KCNH1: variants seen among roughly 807,000 people sequenced by gnomAD.
The protein encoded by KCNH1 is potassium voltage-gated channel subfamily H member 1, also known as voltage-gated delayed rectifier potassium channel KCNH1.
Under a neutral mutation model 69.2 loss-of-function variants are expected in KCNH1, and 27 were observed. The observed-to-expected ratio is 0.39, with a 90% CI of 0.29 to 0.54. The LOEUF is 0.54. Among genes scored for constraint, KCNH1 ranks in the 20% least tolerant of loss-of-function variants. KCNH1 has a pLI of 0.68. For synonymous variants in KCNH1, 456 were observed against 487.7 expected (o/e 0.93, Z 0.86); for missense variants, 798 against 1,261.6 (o/e 0.63, Z 5.57).
At chr1:210,862,957 T>C (rs531920265) in intron 7 of KCNH1, among the ~76,000 whole-genome samples, 195 of 152,230 alleles carry the variant, frequency 1.3e-3, no homozygotes, top group African/African-American at 4.6e-3. Context: ...GAAAACCAAA[T>C]ACTAACTGTG....
At chr1:210,696,040 G>A (rs1021126259) in intron 10 of KCNH1, among the ~76,000 whole-genome samples, 5 of 152,174 alleles carry the variant, frequency 3.3e-5, no homozygotes, top group African/African-American at 1.2e-4. Context: ...CAGTTTCTCT[G>A]GTCACTCCCT....
chr1:210,727,032 A>C (rs899128711), intron 10 of KCNH1, among the ~76,000 whole-genome samples: 1 of 152,138 alleles, frequency 6.6e-6, no homozygotes, highest in Admixed American at 6.5e-5. Flanking sequence ...ATGGGTTAAA[A>C]AGTCAACAAT....
chr1:210,849,176 T>C (rs1685627134), intron 7 of KCNH1, among the ~76,000 whole-genome samples: 1 of 152,176 alleles, frequency 6.6e-6, no homozygotes. Context: ...TACAGAATCC[T>C]ATAAACATTC....
intron 10 of KCNH1, among the ~76,000 whole-genome samples, chr1:210,739,412 G>C (rs1682963023): frequency 6.6e-6 from 1 of 152,162 alleles, no homozygotes; most frequent in Non-Finnish European, 1.5e-5. Context: ...TCTGGAGTTA[G>C]GGAGCCCCCC....
chr1:211,133,914 A>G lies in KCNH1; in HGVS notation c.32T>C (p.Val11Ala), dbSNP rs1263025448. Residue 11 changes from valine (V) to alanine (A), a missense_variant, in exon 1 of 11, where the codon GTG (valine) becomes GCG (alanine). This residue lies in a region of KCNH1 where 266 missense variants were observed against 457.2 expected (regional missense o/e 0.58). Coordinates refer to ENST00000271751, the MANE Select transcript of KCNH1 (RefSeq NM_172362.3). The surrounding 1 kb of genome is among the most constrained non-coding windows in gnomAD (Gnocchi z 5.4). ...CTCCAGAAACGTGTTTTGAGGGGCC[A>G]CTAGTCCCCTCCTGCCCCCAGCCAT... MTMAGGRRGL[V>A]APQNTFLENI... 6.2e-7 allele frequency: 1 copy of G among 1,611,146 alleles called. No individual in the cohort carries two copies. The highest frequency in any genetic ancestry group is 8.5e-7 in the Non-Finnish European group (1 of 1,178,898).
At chr1:211,045,336 G>A (rs1036845569) in intron 5 of KCNH1, among the ~76,000 whole-genome samples, 1 of 151,566 alleles carries the variant, frequency 6.6e-6, no homozygotes, top group African/African-American at 2.4e-5. Flanking sequence ...CAGGTGATGG[G>A]TGCACCAAAA....
intron 1 of KCNH1, among the ~76,000 whole-genome samples, chr1:211,121,824 C>G (rs1057319812): frequency 1.3e-5 from 2 of 152,092 alleles, no homozygotes; most frequent in Non-Finnish European, 2.9e-5. Flanking sequence ...GGAAATTAAA[C>G]ATATTTACAA....
chr1:211,098,489 A>T (rs1402054118), intron 3 of KCNH1, among the ~76,000 whole-genome samples: 1 of 152,142 alleles, frequency 6.6e-6, no homozygotes, highest in Admixed American at 6.6e-5. Context: ...TATCCCAAAC[A>T]CTCATTCCAA....
chr1:210,746,580 T>TA (rs34032078), intron 10 of KCNH1, among the ~76,000 whole-genome samples: 11 of 151,648 alleles, frequency 7.3e-5, no homozygotes, highest in Non-Finnish European at 1.6e-4. Context: ...TTTTTTTTTT[T>TA]AAATAGAGTC....
chr1:210,869,873 C>G (rs943949890), intron 7 of KCNH1, among the ~76,000 whole-genome samples: 22 of 152,064 alleles, frequency 1.4e-4, no homozygotes, highest in African/African-American at 5.3e-4. Flanking sequence ...TAGTTCTTTG[C>G]CTGGCTTGTG....
At chr1:210,922,163 C>T (rs541794324) in intron 6 of KCNH1, among the ~76,000 whole-genome samples, 129 of 151,790 alleles carry the variant, frequency 8.5e-4, no homozygotes, top group Non-Finnish European at 1.4e-3. Context: ...GGGCAGATCA[C>T]GAGGTAAGGA....
intron 10 of KCNH1, among the ~76,000 whole-genome samples, chr1:210,689,394 C>T (rs146903003): frequency 3.7e-4 from 57 of 152,228 alleles, no homozygotes; most frequent in African/African-American, 1.2e-3. Context: ...CTCAGCAGCA[C>T]GCATGGGGGA....
intron 1 of KCNH1, among the ~76,000 whole-genome samples, chr1:211,111,068 G>T (rs1275981709): frequency 6.6e-6 from 1 of 151,924 alleles, no homozygotes; most frequent in Non-Finnish European, 1.5e-5. Flanking sequence ...AAATAACTAT[G>T]TACTTAATTT....
chr1:211,067,569 C>T (rs943852461), intron 5 of KCNH1, among the ~76,000 whole-genome samples: 11 of 152,186 alleles, frequency 7.2e-5, no homozygotes, highest in African/African-American at 2.7e-4. Flanking sequence ...TCTGTGTCTG[C>T]ATCTCAGAGA....
chr1:210,926,553 G>T (rs1275893413), intron 6 of KCNH1, among the ~76,000 whole-genome samples: 1 of 152,146 alleles, frequency 6.6e-6, no homozygotes, highest in East Asian at 1.9e-4. Context: ...TGGGACAAAA[G>T]AATCTGAACA....
At chr1:210,956,072 G>T (rs576650858) in intron 6 of KCNH1, among the ~76,000 whole-genome samples, 1 of 152,080 alleles carries the variant, frequency 6.6e-6, no homozygotes, top group Non-Finnish European at 1.5e-5. Flanking sequence ...TTTGAGATAC[G>T]TCCCATCAGT....
At chr1:210,843,191 C>G (rs1685459611) in intron 7 of KCNH1, among the ~76,000 whole-genome samples, 1 of 152,170 alleles carries the variant, frequency 6.6e-6, no homozygotes, top group Non-Finnish European at 1.5e-5. Context: ...TCAACTAGTG[C>G]ATAGCTCTGC....
chr1:210,880,062 C>T (rs6699321), intron 7 of KCNH1, among the ~76,000 whole-genome samples: 13,383 of 152,062 alleles, frequency 0.088, 1,302 homozygotes, highest in African/African-American at 0.23. Flanking sequence ...GTGAGGAAAA[C>T]TACAAAACTC....
intron 6 of KCNH1, among the ~76,000 whole-genome samples, chr1:210,994,431 T>A (rs1195807970): frequency 3.3e-5 from 5 of 152,106 alleles, no homozygotes; most frequent in African/African-American, 1.2e-4. Context: ...TTATACAACA[T>A]AAAAATATTT....
Sources: allele counts gnomAD v4.1 joint callset (sites outside exome capture counted in the v4.1 genomes callset), GRCh38; gene constraint gnomAD v4.1.1; regional missense constraint gnomAD v4.1.1; non-coding constraint Gnocchi (gnomAD v3.1); transcripts MANE v1.5; gene names NCBI Gene and HGNC (gene_info 2026-07-23, HGNC 2026-07-21).